The following TLN2 variants were observed in gnomAD, a reference collection of about 807,000 sequenced individuals.
The protein encoded by TLN2 is talin-2.
In TLN2, 118 loss-of-function variants were observed where a neutral mutation model predicts 294.7. The ratio of observed to expected loss-of-function variants is 0.40; its 90% CI spans 0.34 to 0.47. The LOEUF (loss-of-function observed/expected upper bound fraction) is 0.47. Among genes scored for constraint, TLN2 ranks in the 20% least tolerant of loss-of-function variants. The pLI, the probability that TLN2 is intolerant of heterozygous loss-of-function variation, is 0.84. For missense variants in TLN2, 3,083 were observed against 3,282.2 expected (o/e 0.94, Z 1.48); for synonymous variants, 1,431 against 1,304.5 (o/e 1.10, Z -2.09).
At chr15:62,802,885 A>G (rs1178053163) in intron 50 of TLN2, among the ~76,000 whole-genome samples, 2 of 152,202 alleles carry the variant, frequency 1.3e-5, no homozygotes, top group Admixed American at 1.3e-4. Context: ...CTTTTGAGAA[A>G]TGTCTATTGA....
chr15:62,504,318 C>A (rs2039465861), intron 1 of TLN2, among the ~76,000 whole-genome samples: 1 of 152,190 alleles, frequency 6.6e-6, no homozygotes, highest in Non-Finnish European at 1.5e-5. Context: ...TTTAATAAAT[C>A]AACAAGCTGA....
At chr15:62,610,919 A>T (rs1168054283) in intron 2 of TLN2, among the ~76,000 whole-genome samples, 2 of 152,168 alleles carry the variant, frequency 1.3e-5, no homozygotes, top group East Asian at 3.9e-4. Context: ...ATTCACACCA[A>T]TACTTCAGAT....
intron 1 of TLN2, among the ~76,000 whole-genome samples, chr15:62,454,282 G>A (rs2036330878): frequency 6.6e-6 from 1 of 152,206 alleles, no homozygotes; most frequent in Admixed American, 6.5e-5. Flanking sequence ...GCAGGAGGCA[G>A]AAAGGGAAGG....
intron 1 of TLN2, among the ~76,000 whole-genome samples, chr15:62,436,442 C>T (rs2035291085): frequency 6.6e-6 from 1 of 152,170 alleles, no homozygotes; most frequent in South Asian, 2.1e-4. Context: ...GGAATGTGTC[C>T]AACCCTATAA....
At chr15:62,485,256 A>G (rs757777396) in intron 1 of TLN2, among the ~76,000 whole-genome samples, 3 of 152,324 alleles carry the variant, frequency 2.0e-5, no homozygotes, top group East Asian at 1.9e-4. Context: ...GCCATGTAAG[A>G]TAACACATTC....
At position 62,840,683 on chromosome 15, in the gene TLN2, TG is replaced by T. The variant is rs1218386374; in HGVS notation, c.*76del. On this transcript the variant is annotated 3_prime_UTR_variant, in exon 59 of 59. Transcript: ENST00000636159. ...TGGACAGACAGTGTTCCTGAGAGGC[TG>T]GGCACTTAGCTGGAAACCGCCCACC... 2 of 1,546,058 alleles carry T rather than the reference TG, an allele frequency of 1.3e-6. No individual in the cohort carries two copies. The highest frequency in any genetic ancestry group is 1.4e-5 in the African/African-American group (1 of 72,486).
chr15:62,806,142 G>A (rs548133407), intron 51 of TLN2, among the ~76,000 whole-genome samples: 2 of 152,196 alleles, frequency 1.3e-5, no homozygotes, highest in East Asian at 3.9e-4. Flanking sequence ...GCTGCAGTGA[G>A]CTATGATTAT....
chr15:62,603,840 C>G (rs1205638012), intron 2 of TLN2, among the ~76,000 whole-genome samples: 1 of 152,138 alleles, frequency 6.6e-6, no homozygotes, highest in African/African-American at 2.4e-5. Context: ...ATTTTGATGA[C>G]CTGTATTGCT....
intron 1 of TLN2, among the ~76,000 whole-genome samples, chr15:62,487,598 C>T (rs907534985): frequency 4.6e-5 from 7 of 151,416 alleles, no homozygotes; most frequent in African/African-American, 9.7e-5. Flanking sequence ...TTTTGGTGGC[C>T]GAGGTGGGAA....
chr15:62,668,076 A>C (rs1032890521), intron 9 of TLN2, among the ~76,000 whole-genome samples: 1 of 152,176 alleles, frequency 6.6e-6, no homozygotes, highest in Non-Finnish European at 1.5e-5. Context: ...ATAGTGGTCA[A>C]AGGGTACACA....
At position 62,835,817 on chromosome 15, in the gene TLN2, TCCTC is replaced by T. The variant is rs752272069; in HGVS notation, c.7191+21_7191+24del. On this transcript the variant is annotated intron_variant, in intron 56 of 58. Coordinates refer to ENST00000636159, the MANE Select transcript of TLN2 (RefSeq NM_015059.3). ...TTTCTGCTGTGAGTTGCCTTCTCCT[TCCTC>T]CCAGTTTGCTTTTGGGGTCCCCTGA... The T allele has an allele frequency of 1.2e-5, 20 of 1,614,164 alleles. No individual in the cohort carries two copies. Among genetic ancestry groups the T allele is most frequent in the Middle Eastern group, 1.6e-4 (1 of 6,062 alleles).
chr15:62,565,733 T>C (rs944893753), intron 1 of TLN2, among the ~76,000 whole-genome samples: 1 of 152,194 alleles, frequency 6.6e-6, no homozygotes, highest in Non-Finnish European at 1.5e-5. Flanking sequence ...TCAGCAAATA[T>C]TTGAATGTGT....
At chr15:62,740,513 T>G in intron 31 of TLN2, 117 bp from the exon 32 acceptor site, 1 of 1,396,480 alleles carries the variant, frequency 7.2e-7, no homozygotes, top group Non-Finnish European at 9.8e-7. Context: ...TAACTGGGTT[T>G]AATGTGATCT....
chr15:62,640,060 G>A, intron 3 of TLN2: 1 of 429,374 alleles, frequency 2.3e-6, no homozygotes, highest in Non-Finnish European at 4.7e-6. Context: ...GGGTACCTGA[G>A]CCCAGACTGT....
At chr15:62,609,017 C>G (rs1009423393) in intron 2 of TLN2, among the ~76,000 whole-genome samples, 2 of 152,000 alleles carry the variant, frequency 1.3e-5, no homozygotes, top group Non-Finnish European at 2.9e-5. Flanking sequence ...AGAGGCCGGG[C>G]ACTAGCCTGG....
At chr15:62,831,216 C>T (rs2068806763) in intron 54 of TLN2, 1 of 151,808 alleles carries the variant, frequency 6.6e-6, no homozygotes. Flanking sequence ...CAGAGTATTC[C>T]ACACTGTAAA....
chr15:62,669,320 A>G (rs2055113307), intron 9 of TLN2, among the ~76,000 whole-genome samples: 1 of 152,240 alleles, frequency 6.6e-6, no homozygotes, highest in East Asian at 1.9e-4. Flanking sequence ...GAACAAATAC[A>G]GTGGACTTGA....
chr15:62,797,480 G>A (rs764658531), intron 48 of TLN2, 78 bp downstream of exon 48: 3 of 1,449,348 alleles, frequency 2.1e-6, no homozygotes, highest in South Asian at 1.4e-5. Flanking sequence ...AGAGGCCTAA[G>A]GCAGAACAGG....
At chr15:62,551,513 T>TACACACACACACACACACACACAC (rs56986714) in intron 1 of TLN2, among the ~76,000 whole-genome samples, 11 of 146,986 alleles carry the variant, frequency 7.5e-5, no homozygotes, top group African/African-American at 2.8e-4. Context: ...CTACTAAAAA[T>TACACACACACACACACACACACAC]ACACACACAC....
Sources: allele counts gnomAD v4.1 joint callset (sites outside exome capture counted in the v4.1 genomes callset), GRCh38; gene constraint gnomAD v4.1.1; transcripts MANE v1.5; gene names NCBI Gene and HGNC (gene_info 2026-07-23, HGNC 2026-07-21).